The following KIAA1671 variants were observed in gnomAD, a reference collection of about 807,000 sequenced individuals.
The protein encoded by KIAA1671 is KIAA1671, also known as uncharacterized protein KIAA1671.
Under a neutral mutation model 131.2 loss-of-function variants are expected in KIAA1671, and 52 were observed. The ratio of observed to expected loss-of-function variants is 0.40; its 90% CI spans 0.32 to 0.50. The LOEUF is 0.50. Among genes scored for constraint, KIAA1671 ranks in the 20% least tolerant of loss-of-function variants. KIAA1671 has a pLI of 0.73. For missense variants in KIAA1671, 2,360 were observed against 2,364.2 expected, an observed-to-expected ratio of 1.00 and a Z score of 0.04; for synonymous variants, 1,003 against 961.6, an observed-to-expected ratio of 1.04 and a Z score of -0.80.
chr22:25,083,582 C>G (rs548164678), intron 6 of KIAA1671, among the ~76,000 whole-genome samples: 1 of 152,226 alleles, frequency 6.6e-6, no homozygotes, highest in African/African-American at 2.4e-5. Context: ...GGTTAACTCA[C>G]TTGCAGAAGA....
chr22:24,961,727 G>A (rs1207387540), intron 1 of KIAA1671, among the ~76,000 whole-genome samples: 2 of 152,382 alleles, frequency 1.3e-5, no homozygotes, highest in African/African-American at 4.8e-5. Flanking sequence ...ACATCAATGA[G>A]TTGAAGTCTA....
At chr22:25,170,477 A>G (rs1172599531) in intron 6 of KIAA1671, among the ~76,000 whole-genome samples, 1 of 152,190 alleles carries the variant, frequency 6.6e-6, no homozygotes, top group Non-Finnish European at 1.5e-5. Context: ...AACACTGAAG[A>G]TGAGAGAAGT....
In KIAA1671 at chr22:25,184,912, G is replaced by T; in HGVS notation, c.5200-65G>T. Reference sequence around the variant, plus strand: ...AGAAGGCTCATTGTACCTGACATTTGCATGGGAGGGGGCCCTTCCCCAGAC... The same window carrying T: ...AGAAGGCTCATTGTACCTGACATTTTCATGGGAGGGGGCCCTTCCCCAGAC... On this transcript the variant is annotated intron_variant, in intron 10 of 12. Transcript: ENST00000358431. 4 of 1,539,968 alleles carry T rather than the reference G, an allele frequency of 2.6e-6. No homozygotes were observed. In the South Asian group the frequency reaches 3.6e-5, roughly 14 times the overall value.
At position 24,958,827 on chromosome 22, in the gene KIAA1671, A is replaced by C. The variant is rs544837316; in HGVS notation, c.-208+6055A>C. Among the ~76,000 whole-genome samples the C allele has an allele frequency of 2.0e-5, 3 of 151,348 alleles. No individual in the cohort carries two copies. In the South Asian group the frequency reaches 6.3e-4, roughly 32 times the overall value. On this transcript the variant is annotated intron_variant, in intron 1 of 12. Coordinates refer to ENST00000358431, the MANE Select transcript of KIAA1671 (RefSeq NM_001145206.2). ...CTCTACTGAAAATACAAAACAAAAC[A>C]AAAAAATAGCCAGGTATGGTGGCAC...
intron 1 of KIAA1671, among the ~76,000 whole-genome samples, chr22:25,025,289 G>A (rs964514787): frequency 6.6e-6 from 1 of 152,126 alleles, no homozygotes; most frequent in Admixed American, 6.5e-5. Flanking sequence ...AGTGACATTT[G>A]TTACCCAGTT....
chr22:24,980,903 T>A (rs563663555), intron 1 of KIAA1671, among the ~76,000 whole-genome samples: 4 of 151,964 alleles, frequency 2.6e-5, no homozygotes, highest in Non-Finnish European at 4.4e-5. Context: ...TGCGCCATCA[T>A]GCCTGGATGA....
At chr22:25,167,334 TTC>T (rs1279059025) in intron 6 of KIAA1671, among the ~76,000 whole-genome samples, 1 of 152,204 alleles carries the variant, frequency 6.6e-6, no homozygotes, top group Non-Finnish European at 1.5e-5. Context: ...ACCTAGTAAT[TTC>T]TCTTACGGGA....
At position 25,127,459 on chromosome 22, in the gene KIAA1671, G is replaced by A. The variant is rs534368301; in HGVS notation, c.4531-43361G>A. Among the ~76,000 whole-genome samples the A allele has an allele frequency of 4.6e-4, 70 of 152,258 alleles. 1 individual carries two copies. The highest frequency in any genetic ancestry group is 1.6e-3 in the African/African-American group (68 of 41,558). On this transcript the variant is annotated intron_variant, in intron 6 of 12. Transcript: ENST00000358431. ...TTAGTTGTTAGAAGGGAGTGAGGTG[G>A]ACACATGGGCCTGGCATAGAGCCAG...
Position 25,028,063 on chromosome 22 carries a change from A to G in KIAA1671, c.64A>G (p.Met22Val), listed in dbSNP as rs1468003327. 1.4e-5 allele frequency: 21 copies of G among 1,547,182 alleles called. No individual in the cohort carries two copies. Among genetic ancestry groups the G allele is most frequent in the Non-Finnish European group, 1.7e-5 (20 of 1,144,534 alleles). Reference protein sequence around the residue: ...PLTAVPGLGEMGKEETLTRTY... With the variant: ...PLTAVPGLGEVGKEETLTRTY... ...GACGGCCGTGCCAGGCCTGGGTGAG[A>G]TGGGCAAGGAGGAGACCCTGACGAG... The change falls in exon 3 of 13, where the codon ATG becomes GTG. Residue 22 changes from methionine to valine, a missense_variant. Physicochemically the swap from Met to Val is conservative, Grantham distance 21. Transcript: ENST00000358431.
At chr22:25,146,704 C>T (rs938395381) in intron 6 of KIAA1671, among the ~76,000 whole-genome samples, 21 of 152,184 alleles carry the variant, frequency 1.4e-4, no homozygotes, top group African/African-American at 4.8e-4. Context: ...CCCACTCCTC[C>T]AATGGGAGCA....
chr22:25,092,052 G>A (rs1261148201), intron 6 of KIAA1671, among the ~76,000 whole-genome samples: 1 of 152,094 alleles, frequency 6.6e-6, no homozygotes, highest in African/African-American at 2.4e-5. Context: ...TGTGCCCGAC[G>A]CTGTTATAGT....
chr22:24,959,100 C>G (rs887144436), intron 1 of KIAA1671, among the ~76,000 whole-genome samples: 5 of 151,868 alleles, frequency 3.3e-5, no homozygotes, highest in Non-Finnish European at 5.9e-5. Context: ...GAGTTCGATG[C>G]TGCAGTGAGC....
chr22:25,169,791 C>T (rs996743715), intron 6 of KIAA1671, among the ~76,000 whole-genome samples: 12 of 152,188 alleles, frequency 7.9e-5, no homozygotes, highest in African/African-American at 1.2e-4. Context: ...GGCCGAGGGC[C>T]GAGACCAGCA....
At position 25,196,795 on chromosome 22, in the gene KIAA1671, G is replaced by A. The variant is rs1239247009; in HGVS notation, c.*4394G>A. 6.6e-6 allele frequency: 1 copy of A among 151,906 alleles called. No individual in the cohort carries two copies. The highest frequency in any genetic ancestry group is 1.9e-4 in the East Asian group (1 of 5,186). 9.4% of individuals were successfully genotyped at this position (151,906 alleles called of 1,614,324 possible). A position where few individuals can be genotyped will look rare whatever the true frequency, so the allele number is the denominator to read the frequency against. Reference sequence around the variant, plus strand: ...GCCTTATAGATCCTGTAAATAGGGGGGGTCACAAAAGTAATATATTGTGTT... The same window carrying A: ...GCCTTATAGATCCTGTAAATAGGGGAGGTCACAAAAGTAATATATTGTGTT... On this transcript the variant is annotated 3_prime_UTR_variant, in exon 13 of 13. Coordinates refer to ENST00000358431, the MANE Select transcript of KIAA1671 (RefSeq NM_001145206.2).
rs562353021 is a variant in KIAA1671, at chr22:25,006,635, TC to T, written c.-207-18997del. Among the ~76,000 whole-genome samples, 77 of 152,292 alleles carry T rather than the reference TC, an allele frequency of 5.1e-4. 1 individual carries two copies. The East Asian group carries it at 0.011, about 22-fold the overall frequency. ...TTGTGCTGTAACAGATTCTCACAATTCAGTGATTTAAGCAAATTTCTTACTT... is the reference window on the plus strand; with the variant it reads ...TTGTGCTGTAACAGATTCTCACAATTAGTGATTTAAGCAAATTTCTTACTT... On this transcript the variant is annotated intron_variant, in intron 1 of 12. Coordinates refer to ENST00000358431, the MANE Select transcript of KIAA1671 (RefSeq NM_001145206.2).
At chr22:25,038,242 T>G (rs925737803) in intron 4 of KIAA1671, among the ~76,000 whole-genome samples, 29 of 152,212 alleles carry the variant, frequency 1.9e-4, no homozygotes, top group African/African-American at 7.0e-4. Context: ...ACTTAAGCGA[T>G]TCTCCCATCT....
chr22:25,038,782 A>G lies in KIAA1671; in HGVS notation c.1652A>G (p.Asp551Gly). The change falls in exon 5 of 13, where the codon GAT becomes GGT. Residue 551 changes from aspartate (D) to glycine (G), a missense_variant. Physicochemically the swap from Asp to Gly is moderately conservative, Grantham distance 94. Transcript: ENST00000358431. The stretch of plus-strand genomic sequence containing the variant: ...CAGCAAAAGGAGGGGCACAGTTTGG[A>G]TGGAGCATGCATCCCGAGAAGCCCC... ...REKQKEGHSLDGACIPRSPWK... is the reference protein window; with the variant it reads ...REKQKEGHSLGGACIPRSPWK... 1.3e-6 allele frequency: 2 copies of G among 1,542,002 alleles called. No homozygotes were observed. The highest frequency in any genetic ancestry group is 2.4e-5 in the South Asian group (2 of 83,888).
At chr22:25,067,705 CTCCG>C (rs1928554525) in intron 6 of KIAA1671, among the ~76,000 whole-genome samples, 1 of 152,204 alleles carries the variant, frequency 6.6e-6, no homozygotes, top group Admixed American at 6.5e-5. Context: ...GCCCCTTTCT[CTCCG>C]GGCATTTCTC....
intron 3 of KIAA1671, 97 bp downstream of exon 3, chr22:25,029,637 C>T (rs1440643443): frequency 1.2e-6 from 1 of 862,028 alleles, no homozygotes; most frequent in South Asian, 1.9e-5. Context: ...GTCACCCCCC[C>T]TCAGTTTACC....
Sources: allele counts gnomAD v4.1 joint callset (sites outside exome capture counted in the v4.1 genomes callset), GRCh38; gene constraint gnomAD v4.1.1; transcripts MANE v1.5; gene names NCBI Gene and HGNC (gene_info 2026-07-23, HGNC 2026-07-21).